Variants in SORBS3 observed in about 807,000 individuals in gnomAD.
SORBS3 encodes the protein vinexin.
Under a neutral mutation model 98.0 loss-of-function variants are expected in SORBS3, and 69 were observed. The observed-to-expected ratio is 0.70, with a 90% CI of 0.58 to 0.86. The LOEUF (loss-of-function observed/expected upper bound fraction) is 0.86, where lower values mean the gene tolerates loss of function less well. SORBS3 is among the 40% of genes least tolerant of loss of function. The probability of loss-of-function intolerance (pLI) is 0.00; values close to 1 mark genes in which losing one functional copy is unlikely to be tolerated. For missense variants in SORBS3, 954 were observed against 908.5 expected (o/e 1.05, Z -0.64); for synonymous variants, 394 against 355.4 (o/e 1.11, Z -1.22).
Position 22,571,812 on chromosome 8 carries a change from A to G in SORBS3, c.1838A>G (p.His613Arg). ...GTSSPNTSQI[H>R]WTPYRAMYQY... is the part of the protein sequence containing the mutation. ...TCCTCTCCTAACACCTCTCAGATACACTGGACCCCGTGAGTACCATCTGAG... is the reference window on the plus strand; with the variant it reads ...TCCTCTCCTAACACCTCTCAGATACGCTGGACCCCGTGAGTACCATCTGAG... Residue 613 changes from histidine (H) to arginine (R), a missense_variant, in exon 19 of 21, where the codon CAC becomes CGC. Transcript: ENST00000240123. The G allele has an allele frequency of 6.2e-7, 1 of 1,608,494 alleles. No individual in the cohort carries two copies. The highest frequency in any genetic ancestry group is 1.1e-5 in the South Asian group (1 of 90,990).
intron 4 of SORBS3, among the ~76,000 whole-genome samples, chr8:22,557,650 A>G (rs896934649): frequency 6.6e-6 from 1 of 152,130 alleles, no homozygotes; most frequent in Non-Finnish European, 1.5e-5. Flanking sequence ...TATAAAAAAA[A>G]AAATAAAATA....
intron 5 of SORBS3, chr8:22,561,049 A>G: frequency 2.7e-6 from 1 of 366,826 alleles, no homozygotes; most frequent in Non-Finnish European, 4.9e-6. Context: ...AAGTCCACAA[A>G]GGTCAGGAGA....
In SORBS3 at chr8:22,558,008, G is replaced by A. The variant is rs746128507; in HGVS notation, c.415-121G>A. 2.0e-4 allele frequency: 174 copies of A among 872,912 alleles called. 1 individual carries two copies. Among genetic ancestry groups the A allele is most frequent in the Non-Finnish European group, 2.0e-4 (103 of 507,080 alleles). 54.1% of individuals were successfully genotyped at this position (872,912 alleles called of 1,614,324 possible). On this transcript the variant is annotated intron_variant, in intron 4 of 20. Transcript: ENST00000240123. ...GAGATCGCAAGAGAAGCATTTCCCA[G>A]CCCACCTATGGGGGGTTCAGGGATG... is the stretch of plus-strand genomic sequence containing the variant.
chr8:22,573,975 A>G (rs549272831), intron 20 of SORBS3, among the ~76,000 whole-genome samples: 1 of 152,242 alleles, frequency 6.6e-6, no homozygotes, highest in Non-Finnish European at 1.5e-5. Context: ...AGGGGTGTGC[A>G]GGGAAAAGGG....
At chr8:22,555,922 A>G (rs966014132) in intron 3 of SORBS3, among the ~76,000 whole-genome samples, 1 of 152,238 alleles carries the variant, frequency 6.6e-6, no homozygotes, top group Non-Finnish European at 1.5e-5. Context: ...AGCGTGCTGG[A>G]CACTGTAAAA....
upstream of SORBS3, among the ~76,000 whole-genome samples, chr8:22,550,724 G>A (rs1289723919): frequency 5.3e-5 from 8 of 152,292 alleles, no homozygotes; most frequent in African/African-American, 1.9e-4. Flanking sequence ...AAAACTCCTC[G>A]TGGCCTCTGG....
chr8:22,566,705 G>A lies in SORBS3; in HGVS notation c.1135G>A (p.Glu379Lys). The change falls in exon 14 of 21, where the codon GAG (glutamate) becomes AAG (lysine). Residue 379 changes from glutamate (E) to lysine (K), a missense_variant. Coordinates refer to ENST00000240123, the MANE Select transcript of SORBS3 (RefSeq NM_005775.5). ...NGGGSPARRE[E>K]KKRKAARLKF... ...AGGGGGCAGCCCAGCCAGGAGGGAAGAGAAGAAGGTAAGGAGGGGACCAGG... is the reference window on the plus strand; with the variant it reads ...AGGGGGCAGCCCAGCCAGGAGGGAAAAGAAGAAGGTAAGGAGGGGACCAGG... 1 of 1,612,536 alleles carries A rather than the reference G, an allele frequency of 6.2e-7. No individual in the cohort carries two copies. Among genetic ancestry groups the A allele is most frequent in the Non-Finnish European group, 8.5e-7 (1 of 1,179,554 alleles).
Position 22,574,761 on chromosome 8 carries a change from A to T in SORBS3, c.*33A>T. 1 of 1,606,948 alleles carries T rather than the reference A, an allele frequency of 6.2e-7. No individual in the cohort carries two copies. Among genetic ancestry groups the T allele is most frequent in the Admixed American group, 1.7e-5 (1 of 59,938 alleles). On this transcript the variant is annotated 3_prime_UTR_variant, in exon 21 of 21. Coordinates refer to ENST00000240123, the MANE Select transcript of SORBS3 (RefSeq NM_005775.5). The stretch of plus-strand genomic sequence containing the variant: ...CCATGGCAACTTGGAGCCAGCCAGG[A>T]TGGGGTGGGGAGCGGTGGCACTCGT...
chr8:22,571,904 C>A, intron 19 of SORBS3, 83 bp downstream of exon 19: 1 of 1,003,474 alleles, frequency 1.0e-6, no homozygotes, highest in Non-Finnish European at 1.6e-6. Flanking sequence ...TCCCCCAAGT[C>A]CCCACCTGTG....
chr8:22,566,599 T>TG, intron 13 of SORBS3, 62 bp from the exon 14 acceptor site: 3 of 1,579,626 alleles, frequency 1.9e-6, no homozygotes, highest in East Asian at 2.2e-5. Context: ...CTGCCCTAGG[T>TG]GGGGGTGCAA....
chr8:22,567,254 G>C, intron 16 of SORBS3, 79 bp downstream of exon 16: 1 of 1,047,208 alleles, frequency 9.5e-7, no homozygotes, highest in Non-Finnish European at 1.4e-6. Context: ...CAAACCTTGG[G>C]TTTCCTAAAG....
rs751918846 is a variant in SORBS3, at chr8:22,554,647, C to T, written c.102+39C>T. On this transcript the variant is annotated intron_variant, in intron 2 of 20. Coordinates refer to ENST00000240123, the MANE Select transcript of SORBS3 (RefSeq NM_005775.5). The surrounding 1 kb of genome is among the most constrained non-coding windows in gnomAD (Gnocchi z 6.5). ...TAGGGAGGAGGGTGTCCTGCGGGCC[C>T]GGAGTTGGTTGGGACGCTAGCAGGT... 9.5e-6 allele frequency: 15 copies of T among 1,578,044 alleles called. No individual in the cohort carries two copies. Among genetic ancestry groups the T allele is most frequent in the African/African-American group, 6.7e-5 (5 of 74,144 alleles).
upstream of SORBS3, chr8:22,551,707 G>A (rs1840084162): frequency 2.1e-5 from 21 of 982,730 alleles, no homozygotes; most frequent in South Asian, 9.4e-4. The surrounding 1 kb of genome is among the most constrained non-coding windows in gnomAD (Gnocchi z 5.8). Context: ...CGCGCGCCCC[G>A]ACGGACGGAG....
intron 1 of SORBS3, among the ~76,000 whole-genome samples, chr8:22,552,735 C>G (rs1840107671): frequency 6.6e-6 from 1 of 152,222 alleles, no homozygotes; most frequent in Non-Finnish European, 1.5e-5. Context: ...TGGCCCGAAG[C>G]AGTCAGCTGG....
In SORBS3 at chr8:22,574,179, CT is replaced by C. The variant is rs543762442; in HGVS notation, c.1955-487del. On this transcript the variant is annotated intron_variant, in intron 20 of 20. Transcript: ENST00000240123. ...GCTTTGCCCGCTGGGGTTCCCCCCCCTCCTCCTCTTCAAGACACGAGTTTCT... is the reference window on the plus strand; with the variant it reads ...GCTTTGCCCGCTGGGGTTCCCCCCCCCCTCCTCTTCAAGACACGAGTTTCT... Among the ~76,000 whole-genome samples, 685 of 152,278 alleles carry C rather than the reference CT, an allele frequency of 4.5e-3. 10 individuals are homozygous for C. Among genetic ancestry groups the C allele is most frequent in the African/African-American group, 0.015 (642 of 41,536 alleles).
chr8:22,566,995 G>A (rs1227821296), intron 15 of SORBS3, 66 bp from the exon 16 acceptor site: 1 of 1,552,026 alleles, frequency 6.4e-7, no homozygotes, highest in Non-Finnish European at 8.9e-7. Flanking sequence ...GTGTTGGGCA[G>A]GGTCTGAAGG....
At chr8:22,553,124 C>G (rs1202124951) in intron 1 of SORBS3, among the ~76,000 whole-genome samples, 1 of 152,078 alleles carries the variant, frequency 6.6e-6, no homozygotes, top group Non-Finnish European at 1.5e-5. Flanking sequence ...CCCTCTGGGC[C>G]CCCAACTCTT....
chr8:22,558,292 G>C (rs1010542092), intron 5 of SORBS3, 100 bp downstream of exon 5: 15 of 1,113,670 alleles, frequency 1.3e-5, no homozygotes, highest in Non-Finnish European at 2.1e-5. Flanking sequence ...TGCTCAAGGG[G>C]TTCTTCTCCA....
chr8:22,565,831 G>T lies in SORBS3; in HGVS notation c.909G>T (p.Ser303=). Reference sequence around the variant, plus strand: ...TGCGCCGTTTCCCCGCGCAGAGCTCGCCGGCGCCCCGACGGGCCCCGGAGC... The same window carrying T: ...TGCGCCGTTTCCCCGCGCAGAGCTCTCCGGCGCCCCGACGGGCCCCGGAGC... The part of the protein sequence containing the change: ...IETRLPSPKS[S]PAPRRAPEQR... Residue 303 remains serine, a synonymous_variant, in exon 12 of 21, where the codon TCG becomes TCT. Coordinates refer to ENST00000240123, the MANE Select transcript of SORBS3 (RefSeq NM_005775.5). 1 of 1,304,080 alleles carries T rather than the reference G, an allele frequency of 7.7e-7. No homozygotes were observed. The highest frequency in any genetic ancestry group is 9.8e-7 in the Non-Finnish European group (1 of 1,024,288). 80.8% of individuals were successfully genotyped at this position (1,304,080 alleles called of 1,614,324 possible). A position where few individuals can be genotyped will look rare whatever the true frequency, so the allele number is the denominator to read the frequency against.
Sources: gnomAD v4.1 joint callset for allele counts (sites outside exome capture counted in the v4.1 genomes callset) on GRCh38, gnomAD v4.1.1 for gene constraint, Gnocchi (gnomAD v3.1) non-coding constraint, MANE v1.5 for transcripts, NCBI Gene and HGNC (gene_info 2026-07-23, HGNC 2026-07-21) for gene names.